Variants in CDC42BPB observed in about 807,000 individuals in gnomAD.
The protein encoded by CDC42BPB is serine/threonine-protein kinase MRCK beta.
In CDC42BPB, 37 loss-of-function variants were observed where a neutral mutation model predicts 214.9. That is an observed-to-expected ratio of 0.17 (90% CI 0.13 to 0.23). The LOEUF is 0.23. Among genes scored for constraint, CDC42BPB ranks in the 10% least tolerant of loss-of-function variants. The probability of loss-of-function intolerance (pLI) is 1.00; values close to 1 mark genes in which losing one functional copy is unlikely to be tolerated. For synonymous variants in CDC42BPB, 931 were observed against 884.0 expected, an observed-to-expected ratio of 1.05 and a Z score of -0.94; for missense variants, 1,694 against 2,227.0, an observed-to-expected ratio of 0.76 and a Z score of 4.82.
In CDC42BPB at chr14:102,966,378, G is replaced by A. The variant is rs149830517; in HGVS notation, c.2481C>T (p.Asp827=). 2.5e-4 allele frequency: 398 copies of A among 1,613,622 alleles called. No individual in the cohort carries two copies. Among genetic ancestry groups the A allele is most frequent in the African/African-American group, 5.1e-4 (38 of 75,010 alleles). The change falls in exon 18 of 37, where the codon GAC becomes GAT. Residue 827 remains aspartate (D), a synonymous_variant. Coordinates refer to ENST00000361246, the MANE Select transcript of CDC42BPB (RefSeq NM_006035.4). ...GAAGGTAACCCCGGGCATCTTTCTC[G>A]TCACTGACCCTGGAGGAGGGAACAG... ...QIAEIIQWVS[D]EKDARGYLQA... is the part of the protein sequence containing the mutation.
At chr14:102,987,488 A>T (rs1894295949) in intron 5 of CDC42BPB, among the ~76,000 whole-genome samples, 1 of 152,204 alleles carries the variant, frequency 6.6e-6, no homozygotes, top group Non-Finnish European at 1.5e-5. Flanking sequence ...GGCAGAAACA[A>T]TCTAAATCTC....
intron 21 of CDC42BPB, among the ~76,000 whole-genome samples, chr14:102,955,391 G>C (rs1892667601): frequency 6.6e-6 from 1 of 152,196 alleles, no homozygotes; most frequent in Non-Finnish European, 1.5e-5. Flanking sequence ...TTGCACTCCA[G>C]CCTGGGCAAC....
At chr14:102,957,467 C>T (rs532718763) in intron 21 of CDC42BPB, among the ~76,000 whole-genome samples, 1 of 152,174 alleles carries the variant, frequency 6.6e-6, no homozygotes, top group South Asian at 2.1e-4. Context: ...CTCTGGAATC[C>T]ACTTATTCCT....
chr14:103,043,116 C>G lies in CDC42BPB; in HGVS notation c.175+13883G>C, dbSNP rs142089753. ...CTCTACTAAAAATACAAGAATTAGT[C>G]AGGCGTAATCCCAGCTATTTGGGAG... On this transcript the variant is annotated intron_variant, in intron 1 of 36. Coordinates refer to ENST00000361246, the MANE Select transcript of CDC42BPB (RefSeq NM_006035.4). 1.1e-4 allele frequency among the ~76,000 whole-genome samples: 16 copies of G among 152,248 alleles called. No individual in the cohort carries two copies. The East Asian group carries it at 3.1e-3, about 29-fold the overall frequency.
chr14:102,962,974 T>C (rs190204799), intron 20 of CDC42BPB, 87 bp downstream of exon 20: 122 of 657,690 alleles, frequency 1.9e-4, no homozygotes, highest in Non-Finnish European at 7.8e-5. Flanking sequence ...GCTTCTAAAG[T>C]AACTATTAAG....
intron 30 of CDC42BPB, among the ~76,000 whole-genome samples, chr14:102,940,937 C>T (rs983341728): frequency 1.3e-5 from 2 of 152,236 alleles, no homozygotes; most frequent in African/African-American, 2.4e-5. Flanking sequence ...CTCTGGGGTC[C>T]GCGCTGTGCT....
At chr14:103,013,800 C>T (rs1202858589) in intron 1 of CDC42BPB, among the ~76,000 whole-genome samples, 1 of 152,194 alleles carries the variant, frequency 6.6e-6, no homozygotes, top group East Asian at 1.9e-4. Context: ...GACTTCTGGC[C>T]TCCAGAGCTG....
chr14:102,933,477 T>G lies in CDC42BPB; in HGVS notation c.*235A>C. 2.5e-6 allele frequency: 1 copy of G among 396,620 alleles called. No homozygotes were observed. The highest frequency in any genetic ancestry group is 4.6e-5 in the Admixed American group (1 of 21,816). 24.6% of individuals were successfully genotyped at this position (396,620 alleles called of 1,614,324 possible). A position where few individuals can be genotyped will look rare whatever the true frequency, so the allele number is the denominator to read the frequency against. ...AGACAGGCTGTATGGGGGTCCTTCA[T>G]GTGCAGATGGAACAGCATCGCCTCA... On this transcript the variant is annotated 3_prime_UTR_variant, in exon 37 of 37. Coordinates refer to ENST00000361246, the MANE Select transcript of CDC42BPB (RefSeq NM_006035.4).
intron 26 of CDC42BPB, among the ~76,000 whole-genome samples, chr14:102,949,247 T>C (rs1467521204): frequency 1.3e-5 from 2 of 152,066 alleles, no homozygotes; most frequent in East Asian, 3.9e-4. Context: ...ATGTCAACTC[T>C]AAGAGGAAGT....
At position 103,001,013 on chromosome 14, in the gene CDC42BPB, C is replaced by T. The variant is rs895035669; in HGVS notation, c.448-1300G>A. Reference sequence around the variant, plus strand: ...CGGTGGGCTTGTCTGAGGAAGGGAGCGGCCCAGCTAATCAGAGGAAACGAC... The same window carrying T: ...CGGTGGGCTTGTCTGAGGAAGGGAGTGGCCCAGCTAATCAGAGGAAACGAC... On this transcript the variant is annotated intron_variant, in intron 4 of 36. Transcript: ENST00000361246. This position sits in a 1 kb window ranked among gnomAD's most constrained non-coding sequence, Gnocchi z 5.8. 2.0e-5 allele frequency among the ~76,000 whole-genome samples: 3 copies of T among 152,202 alleles called. No individual in the cohort carries two copies. The highest frequency in any genetic ancestry group is 6.5e-5 in the Admixed American group (1 of 15,282).
intron 5 of CDC42BPB, among the ~76,000 whole-genome samples, chr14:102,986,977 T>G (rs1894273071): frequency 6.6e-6 from 1 of 152,184 alleles, no homozygotes; most frequent in African/African-American, 2.4e-5. Flanking sequence ...CACTGCTGTC[T>G]CAGGCAGGCT....
intron 34 of CDC42BPB, 75 bp from the exon 35 acceptor site, chr14:102,938,486 A>T: frequency 6.7e-7 from 1 of 1,494,326 alleles, no homozygotes; most frequent in Non-Finnish European, 8.8e-7. Flanking sequence ...TGTGCAACCT[A>T]CGGTGGCTGT....
chr14:103,056,002 G>C (rs960381641), intron 1 of CDC42BPB, among the ~76,000 whole-genome samples: 32 of 152,350 alleles, frequency 2.1e-4, no homozygotes, highest in African/African-American at 6.7e-4. Context: ...GACAGTCTGA[G>C]GGTCTTGACC....
At chr14:103,030,927 C>G (rs1887334561) in intron 1 of CDC42BPB, among the ~76,000 whole-genome samples, 1 of 151,960 alleles carries the variant, frequency 6.6e-6, no homozygotes, top group Non-Finnish European at 1.5e-5. Flanking sequence ...GTGGGAATTG[C>G]AGTGAGGCAA....
intron 28 of CDC42BPB, among the ~76,000 whole-genome samples, chr14:102,946,214 A>G (rs28463770): frequency 0.041 from 6,240 of 151,920 alleles, 389 homozygotes; most frequent in African/African-American, 0.13. Context: ...TAGCAGAGAC[A>G]GGGTTTCACC....
chr14:102,970,043 T>G, intron 14 of CDC42BPB, 108 bp downstream of exon 14: 1 of 857,834 alleles, frequency 1.2e-6, no homozygotes, highest in Non-Finnish European at 1.8e-6. Context: ...CAGCCTCGGG[T>G]GACACTCGGC....
At position 102,940,402 on chromosome 14, in the gene CDC42BPB, T is replaced by C; in HGVS notation, c.4409-78A>G. 2.6e-6 allele frequency: 4 copies of C among 1,543,218 alleles called. No homozygotes were observed. The South Asian group carries it at 4.8e-5, about 18-fold the overall frequency. On this transcript the variant is annotated intron_variant, in intron 30 of 36. Coordinates refer to ENST00000361246, the MANE Select transcript of CDC42BPB (RefSeq NM_006035.4). ...TGCCCTCGGGCCGGAGGCCAAGCCTTGGCACTTGAACAAGTGCAGAGGCGG... is the reference window on the plus strand; with the variant it reads ...TGCCCTCGGGCCGGAGGCCAAGCCTCGGCACTTGAACAAGTGCAGAGGCGG...
In CDC42BPB at chr14:103,004,460, G is replaced by A. The variant is rs897997352; in HGVS notation, c.352-437C>T. 2.6e-5 allele frequency among the ~76,000 whole-genome samples: 4 copies of A among 152,188 alleles called. No homozygotes were observed. Among genetic ancestry groups the A allele is most frequent in the Non-Finnish European group, 4.4e-5 (3 of 68,042 alleles). ...AGCTGCTGTGCAGCTGGCAGAAGGC[G>A]CACACGTTTGCTGAAATCACAGTAT... On this transcript the variant is annotated intron_variant, in intron 3 of 36. Transcript: ENST00000361246. This position sits in a 1 kb window ranked among gnomAD's most constrained non-coding sequence, Gnocchi z 5.3.
chr14:102,969,929 T>G lies in CDC42BPB; in HGVS notation c.1995+222A>C, dbSNP rs2269321. On this transcript the variant is annotated intron_variant, in intron 14 of 36. Transcript: ENST00000361246. ...GACTTACTGTGAATTGCCTGAAACTTTTATATAACAAAGGAAAAACATGAA... is the reference window on the plus strand; with the variant it reads ...GACTTACTGTGAATTGCCTGAAACTGTTATATAACAAAGGAAAAACATGAA... Among the ~76,000 whole-genome samples the G allele has an allele frequency of 1.6e-4, 24 of 152,306 alleles. No homozygotes were observed. In the East Asian group the frequency reaches 4.6e-3, roughly 29 times the overall value.
Sources: gnomAD v4.1 joint callset for allele counts (sites outside exome capture counted in the v4.1 genomes callset) on GRCh38, gnomAD v4.1.1 for gene constraint, Gnocchi (gnomAD v3.1) non-coding constraint, MANE v1.5 for transcripts, NCBI Gene and HGNC (gene_info 2026-07-23, HGNC 2026-07-21) for gene names.